HR: variants seen among roughly 807,000 people sequenced by gnomAD.
The protein encoded by HR is lysine-specific demethylase hairless.
In HR, 83 loss-of-function variants were observed where a neutral mutation model predicts 128.6. The observed-to-expected ratio is 0.65, with a 90% CI of 0.54 to 0.77. The LOEUF (loss-of-function observed/expected upper bound fraction) is 0.77, where lower values mean the gene tolerates loss of function less well. HR is among the 30% of genes least tolerant of loss of function. HR has a pLI of 0.00. For missense variants in HR, 1,490 were observed against 1,574.6 expected, an observed-to-expected ratio of 0.95 and a Z score of 0.91; for synonymous variants, 681 against 658.2, an observed-to-expected ratio of 1.03 and a Z score of -0.53.
At chr8:22,118,680 C>A (rs759256152) in intron 16 of HR, 154 of 544,496 alleles carry the variant, frequency 2.8e-4, no homozygotes, top group Non-Finnish European at 4.5e-4. Flanking sequence ...AAGGCCCTAG[C>A]ACCACGTCCA....
In HR at chr8:22,117,166, G is replaced by A. The variant is rs772572605; in HGVS notation, c.3214-127C>T. The A allele has an allele frequency of 2.7e-4, 264 of 967,426 alleles. No individual in the cohort carries two copies. The Middle Eastern group carries it at 3.5e-3, about 13-fold the overall frequency. 59.9% of individuals were successfully genotyped at this position (967,426 alleles called of 1,614,324 possible). A position where few individuals can be genotyped will look rare whatever the true frequency, so the allele number is the denominator to read the frequency against. On this transcript the variant is annotated intron_variant, in intron 16 of 18. Coordinates refer to ENST00000381418, the MANE Select transcript of HR (RefSeq NM_005144.5). ...CCGAAGGGTCAAGTCTTGAAGGGCA[G>A]GCAGGGAGGGCATGGCTGAGTTTGT...
chr8:22,128,424 G>T, intron 2 of HR, 135 bp downstream of exon 2: 1 of 1,272,904 alleles, frequency 7.9e-7, no homozygotes, highest in Non-Finnish European at 1.1e-6. Flanking sequence ...TGGGGCCTGG[G>T]ACAGCTCCAA....
At position 22,127,279 on chromosome 8, in the gene HR, G is replaced by A. The variant is rs769844551; in HGVS notation, c.1163C>T (p.Ser388Leu). 42 of 1,613,222 alleles carry A rather than the reference G, an allele frequency of 2.6e-5. No homozygotes were observed. Among genetic ancestry groups the A allele is most frequent in the South Asian group, 1.9e-4 (17 of 91,084 alleles). ...GCCGCGTGGACATTCAAACTGCTCC[G>A]AGTGCCGTGTGAGCCATGTCTTCTT... ...KLKKTWLTRHSEQFECPRGCP... is the reference protein window; with the variant it reads ...KLKKTWLTRHLEQFECPRGCP... Residue 388 changes from serine to leucine, a missense_variant, in exon 3 of 19, where the codon TCG becomes TTG. By Grantham distance (145) the Ser-to-Leu change is moderately radical. This residue lies in a region of HR where 1,060 missense variants were observed against 1,060.9 expected (regional missense o/e 1.00). Coordinates refer to ENST00000381418, the MANE Select transcript of HR (RefSeq NM_005144.5).
rs6557841 is a variant in HR, at chr8:22,131,002, A to C, written c.-615T>G. ...AGGACCTCTGATCGCCATCGCCAGA[A>C]GCGCAACTGAGAGTGGGGAAGCTGC... On this transcript the variant is annotated 5_prime_UTR_variant, in exon 1 of 19. Coordinates refer to ENST00000381418, the MANE Select transcript of HR (RefSeq NM_005144.5). 98,439 of 152,186 alleles carry C rather than the reference A, an allele frequency of 0.65. 32,486 individuals are homozygous for C. Among genetic ancestry groups the C allele is most frequent in the African/African-American group, 0.77 (31,892 of 41,538 alleles). 9.4% of individuals were successfully genotyped at this position (152,186 alleles called of 1,614,324 possible). A position where few individuals can be genotyped will look rare whatever the true frequency, so the allele number is the denominator to read the frequency against.
At position 22,127,270 on chromosome 8, in the gene HR, A is replaced by G. The variant is rs751383910; in HGVS notation, c.1172T>C (p.Phe391Ser). 5.6e-6 allele frequency: 9 copies of G among 1,613,114 alleles called. No homozygotes were observed. The highest frequency in any genetic ancestry group is 4.4e-5 in the South Asian group (4 of 91,084). The change falls in exon 3 of 19, where the codon TTT becomes TCT. Residue 391 changes from phenylalanine (F) to serine (S), a missense_variant. Phe to Ser is a radical substitution (Grantham distance 155). Coordinates refer to ENST00000381418, the MANE Select transcript of HR (RefSeq NM_005144.5). ...CTCAGGGCAGCCGCGTGGACATTCA[A>G]ACTGCTCCGAGTGCCGTGTGAGCCA... is the stretch of plus-strand genomic sequence containing the variant. ...KTWLTRHSEQ[F>S]ECPRGCPEVE...
Position 22,122,605 on chromosome 8 carries a change from A to G in HR, c.2009T>C (p.Leu670Ser). ...GTGCATTGCAGTGCTCAGCTCTGCC[A>G]AAGCTGGGGGTGGGGGTGGGCAGGA... ...MLTQFVSSQA[L>S]AELSTAMHQV... Residue 670 changes from leucine (L) to serine (S), a missense_variant, in exon 8 of 19, where the codon TTG becomes TCG. This residue lies in a region of HR where 1,060 missense variants were observed against 1,060.9 expected (regional missense o/e 1.00). Coordinates refer to ENST00000381418, the MANE Select transcript of HR (RefSeq NM_005144.5). The G allele has an allele frequency of 1.3e-6, 2 of 1,568,126 alleles. No homozygotes were observed. Among genetic ancestry groups the G allele is most frequent in the Non-Finnish European group, 1.8e-6 (2 of 1,140,550 alleles).
Position 22,119,850 on chromosome 8 carries a change from A to T in HR, c.2887T>A (p.Cys963Ser). 6.2e-7 allele frequency: 1 copy of T among 1,613,838 alleles called. No homozygotes were observed. The highest frequency in any genetic ancestry group is 1.1e-5 in the South Asian group (1 of 91,088). Reference protein sequence around the residue: ...LAASLPLPEYCALHGKLNLAS... With the variant: ...LAASLPLPEYSALHGKLNLAS... ...AGGTTGAGTTTTCCATGGAGGGCGC[A>T]GTACTCCGGAAGTGGCAGACTGGCA... Residue 963 changes from cysteine (C) to serine (S), a missense_variant, in exon 14 of 19, where the codon TGC (cysteine) becomes AGC (serine). Around this residue, in one of 3 missense-constraint regions of HR, gnomAD observed 423 missense variants for 495.9 expected, o/e 0.85. Transcript: ENST00000381418.
In HR at chr8:22,123,811, G is replaced by GGCC. The variant is rs1243058331; in HGVS notation, c.1751-1_1752dup (p.Gly584dup). The GGCC allele has an allele frequency of 6.3e-6, 10 of 1,598,394 alleles. No homozygotes were observed. The South Asian group carries it at 1.1e-4, about 18-fold the overall frequency. On this transcript the variant is annotated inframe_insertion and splice_region_variant, in exon 6 of 19. Coordinates refer to ENST00000381418, the MANE Select transcript of HR (RefSeq NM_005144.5). ...CTGTCCTCTGTCACGGCTGGCCCTT[G>GGCC]GCCTGCTGACCACGGAGAGAACAGG...
In HR at chr8:22,127,038, T is replaced by C; in HGVS notation, c.1404A>G (p.Lys468=). 6.2e-7 allele frequency: 1 copy of C among 1,610,958 alleles called. No homozygotes were observed. Among genetic ancestry groups the C allele is most frequent in the Non-Finnish European group, 8.5e-7 (1 of 1,179,056 alleles). Residue 468 remains lysine (K), a splice_region_variant and synonymous_variant, in exon 3 of 19, where the codon AAA becomes AAG. Transcript: ENST00000381418. ...TGCAGCCCCTCCTGGCCCCCTTACCTTTCTGCTCATCATGCTGTCCCGAGT... is the reference window on the plus strand; with the variant it reads ...TGCAGCCCCTCCTGGCCCCCTTACCCTTCTGCTCATCATGCTGTCCCGAGT... ...DVDSGQHDEQ[K]GPQDGQASLQ... is the part of the protein sequence containing the mutation.
chr8:22,118,562 G>T (rs991035865), intron 16 of HR: 16 of 283,044 alleles, frequency 5.7e-5, no homozygotes, highest in Admixed American at 1.4e-4. Context: ...CAGAAGCTCA[G>T]ATCCCAGCCC....
chr8:22,125,548 G>A, intron 4 of HR, 34 bp downstream of exon 4: 1 of 1,612,892 alleles, frequency 6.2e-7, no homozygotes, highest in Non-Finnish European at 8.5e-7. Context: ...CCCTGGCGAG[G>A]GGGCACTGGA....
chr8:22,124,468 C>A (rs1311872490), intron 5 of HR, among the ~76,000 whole-genome samples: 1 of 152,238 alleles, frequency 6.6e-6, no homozygotes, highest in Admixed American at 6.5e-5. Flanking sequence ...TCGCTGAGTA[C>A]AATTCAACGA....
In HR at chr8:22,114,933, G is replaced by A. The variant is rs532833546; in HGVS notation, c.*767C>T. 6.5e-6 allele frequency: 1 copy of A among 152,712 alleles called. No individual in the cohort carries two copies. The highest frequency in any genetic ancestry group is 1.5e-5 in the Non-Finnish European group (1 of 68,302). The allele number at this position is 152,712 out of a possible 1,614,324, so 9.5% of individuals were successfully genotyped here. On this transcript the variant is annotated 3_prime_UTR_variant, in exon 19 of 19. Transcript: ENST00000381418. Reference sequence around the variant, plus strand: ...GGCCCCAGGCCCCAGACGAAGAGCAGGCAGTGGTGTCCTGTCCCTTGGGCC... The same window carrying A: ...GGCCCCAGGCCCCAGACGAAGAGCAAGCAGTGGTGTCCTGTCCCTTGGGCC...
Position 22,129,208 on chromosome 8 carries a change from T to C in HR, c.-38A>G. 6.6e-6 allele frequency: 10 copies of C among 1,515,498 alleles called. No homozygotes were observed. The highest frequency in any genetic ancestry group is 8.8e-6 in the Non-Finnish European group (10 of 1,134,914). The allele number at this position is 1,515,498 out of a possible 1,614,324, so 93.9% of individuals were successfully genotyped here. On this transcript the variant is annotated splice_region_variant and 5_prime_UTR_variant, in exon 2 of 19. Coordinates refer to ENST00000381418, the MANE Select transcript of HR (RefSeq NM_005144.5). ...CTCATGGGGCTCTCCCAGAGGGGGG[T>C]CCCTGGAGCATAACCATCAAAGCAT...
At position 22,127,763 on chromosome 8, in the gene HR, C is replaced by T. The variant is rs1826938652; in HGVS notation, c.679G>A (p.Gly227Arg). The stretch of plus-strand genomic sequence containing the variant: ...CCACCAGAGTTTAAGCCAAACAACC[C>T]AGGTTCCGCAGCTGCCAAGGGCTCC... Reference protein sequence around the residue: ...AKEPLAAAEPGLFGLNSGGHL... With the variant: ...AKEPLAAAEPRLFGLNSGGHL... The change falls in exon 3 of 19, where the codon GGG becomes AGG. Residue 227 changes from glycine to arginine, a missense_variant. Gly to Arg is a moderately radical substitution (Grantham distance 125, BLOSUM62 -2). Transcript: ENST00000381418. 6.2e-7 allele frequency: 1 copy of T among 1,601,142 alleles called. No individual in the cohort carries two copies. Among genetic ancestry groups the T allele is most frequent in the African/African-American group, 1.3e-5 (1 of 75,048 alleles).
intron 3 of HR, 30 bp downstream of exon 3, chr8:22,127,007 A>C: frequency 6.8e-7 from 1 of 1,462,886 alleles, no homozygotes; most frequent in East Asian, 2.3e-5. Flanking sequence ...CCTCCCACGC[A>C]GGGCCTGCAG....
chr8:22,123,928 A>G, intron 5 of HR, 115 bp from the exon 6 acceptor site: 1 of 1,239,826 alleles, frequency 8.1e-7, no homozygotes, highest in South Asian at 1.3e-5. Context: ...GCTTCCATGG[A>G]GAGGGCCCCC....
At chr8:22,127,870 C>G (rs1378026918) in intron 2 of HR, 41 bp from the exon 3 acceptor site, 2 of 1,572,490 alleles carry the variant, frequency 1.3e-6, no homozygotes, top group Admixed American at 1.7e-5. Flanking sequence ...CTGACTTGGG[C>G]TCCCCATGCC....
intron 5 of HR, among the ~76,000 whole-genome samples, chr8:22,124,648 C>A (rs191338775): frequency 1.3e-5 from 2 of 152,148 alleles, no homozygotes; most frequent in Non-Finnish European, 2.9e-5. Context: ...GATGGGAATG[C>A]GGGAGAGCTT....
Sources: gnomAD v4.1 joint callset for allele counts (sites outside exome capture counted in the v4.1 genomes callset) on GRCh38, gnomAD v4.1.1 for gene constraint, gnomAD v4.1.1 regional missense constraint, MANE v1.5 for transcripts, NCBI Gene and HGNC (gene_info 2026-07-23, HGNC 2026-07-21) for gene names.